Variants in CNTNAP2 observed in about 807,000 individuals in gnomAD.
The protein encoded by CNTNAP2 is contactin associated protein 2, also known as contactin-associated protein-like 2.
CNTNAP2 carries 98 observed loss-of-function variants against 155.2 expected under a neutral mutation model. The ratio of observed to expected loss-of-function variants is 0.63; its 90% confidence interval spans 0.54 to 0.75. The LOEUF (loss-of-function observed/expected upper bound fraction) is 0.75. CNTNAP2 is among the 30% of genes least tolerant of loss of function. The probability of loss-of-function intolerance (pLI) is 0.00; values close to 1 mark genes in which losing one functional copy is unlikely to be tolerated. For synonymous variants in CNTNAP2, 651 were observed against 631.2 expected (o/e 1.03, Z -0.47); for missense variants, 1,727 against 1,688.1 (o/e 1.02, Z -0.40).
chr7:147,862,171 C>G (rs1272147240), intron 13 of CNTNAP2, among the ~76,000 whole-genome samples: 1 of 152,006 alleles, frequency 6.6e-6, no homozygotes, highest in Non-Finnish European at 1.5e-5. Context: ...TGTCCATCAT[C>G]AAAAAAGATA....
At chr7:148,308,551 GTATT>G (rs72136288) in intron 21 of CNTNAP2, among the ~76,000 whole-genome samples, 37,593 of 148,084 alleles carry the variant, frequency 0.25, 4,985 homozygotes, top group South Asian at 0.37. Flanking sequence ...ACCTATTTAT[GTATT>G]TATTTATTTA....
chr7:148,331,724 T>TGGATGGATAGAG (rs1563045945), intron 21 of CNTNAP2, among the ~76,000 whole-genome samples: 8 of 29,676 alleles, frequency 2.7e-4, no homozygotes, highest in Non-Finnish European at 4.2e-4. Context: ...GACGGATGGA[T>TGGATGGATAGAG]TGGATGGATG....
intron 1 of CNTNAP2, among the ~76,000 whole-genome samples, chr7:146,590,518 T>C (rs928704252): frequency 2.6e-5 from 4 of 151,436 alleles, no homozygotes; most frequent in Admixed American, 1.3e-4. Context: ...CAACTCTTAA[T>C]GACAGTACAG....
chr7:147,740,770 G>A (rs969721519), intron 13 of CNTNAP2, among the ~76,000 whole-genome samples: 3 of 152,198 alleles, frequency 2.0e-5, no homozygotes, highest in Non-Finnish European at 2.9e-5. Flanking sequence ...CAGATCTAGA[G>A]ATGAGGATTT....
intron 1 of CNTNAP2, among the ~76,000 whole-genome samples, chr7:146,356,580 T>G (rs1795001651): frequency 6.6e-6 from 1 of 152,190 alleles, no homozygotes; most frequent in African/African-American, 2.4e-5. Context: ...AGTAAATTCT[T>G]TCACCTCAAT....
intron 1 of CNTNAP2, among the ~76,000 whole-genome samples, chr7:146,304,575 T>C (rs1479500694): frequency 1.3e-5 from 2 of 152,122 alleles, no homozygotes; most frequent in African/African-American, 4.8e-5. Flanking sequence ...AACTCTTTTC[T>C]TTAAGAATGT....
At chr7:146,631,310 C>A (rs1240291148) in intron 1 of CNTNAP2, among the ~76,000 whole-genome samples, 1 of 152,060 alleles carries the variant, frequency 6.6e-6, no homozygotes, top group Non-Finnish European at 1.5e-5. Flanking sequence ...TGAAATCGAC[C>A]ACATTGAAAT....
At chr7:148,384,032 G>C in intron 22 of CNTNAP2, 144 bp downstream of exon 22, 7 of 1,141,696 alleles carry the variant, frequency 6.1e-6, no homozygotes, top group Non-Finnish European at 8.8e-6. Flanking sequence ...TGTGAGTACG[G>C]AGTTCTCAGG....
At chr7:148,273,243 T>A (rs145984491) in intron 21 of CNTNAP2, among the ~76,000 whole-genome samples, 1,740 of 152,268 alleles carry the variant, frequency 0.011, 37 homozygotes, top group African/African-American at 0.04. Flanking sequence ...AGATTTGTGG[T>A]GGGAGTAATT....
At chr7:147,528,453 T>C (rs1472638230) in intron 11 of CNTNAP2, among the ~76,000 whole-genome samples, 1 of 152,210 alleles carries the variant, frequency 6.6e-6, no homozygotes, top group Non-Finnish European at 1.5e-5. Flanking sequence ...TTACTCATTC[T>C]GTCTCTCACT....
At chr7:146,885,928 GGTGTGTGTGTGTGTGTGTGTGT>G (rs36231370) in intron 3 of CNTNAP2, among the ~76,000 whole-genome samples, 5 of 141,850 alleles carry the variant, frequency 3.5e-5, no homozygotes, top group African/African-American at 1.0e-4. Context: ...TATGTAAGTC[GGTGTGTGTGTGTGTGTGTGTGT>G]GTGTGTGTGT....
chr7:146,773,395 T>G (rs975010425), intron 1 of CNTNAP2, among the ~76,000 whole-genome samples: 4 of 152,160 alleles, frequency 2.6e-5, no homozygotes, highest in African/African-American at 9.6e-5. Context: ...TGTCTAGTTC[T>G]TTCTTTCTTT....
intron 10 of CNTNAP2, among the ~76,000 whole-genome samples, chr7:147,460,101 C>T: frequency 6.6e-6 from 1 of 151,706 alleles, no homozygotes; most frequent in East Asian, 1.9e-4. Context: ...TGTAACAAAC[C>T]TGCACTTTCT....
intron 1 of CNTNAP2, among the ~76,000 whole-genome samples, chr7:146,623,738 T>G (rs1476185484): frequency 6.6e-6 from 1 of 152,206 alleles, no homozygotes; most frequent in African/African-American, 2.4e-5. Flanking sequence ...TACATAAGTT[T>G]TCAATTCAGT....
intron 3 of CNTNAP2, among the ~76,000 whole-genome samples, chr7:147,018,132 C>A (rs1381033900): frequency 6.6e-6 from 1 of 152,058 alleles, no homozygotes; most frequent in Admixed American, 6.6e-5. Context: ...TATGATAAGG[C>A]ACTTAGTAAT....
chr7:146,148,498 T>C (rs1797987559), intron 1 of CNTNAP2, among the ~76,000 whole-genome samples: 1 of 152,166 alleles, frequency 6.6e-6, no homozygotes, highest in Non-Finnish European at 1.5e-5. Context: ...TACATAGTAA[T>C]GAAAGAGTAA....
chr7:147,759,761 T>C (rs1490225992), intron 13 of CNTNAP2, among the ~76,000 whole-genome samples: 1 of 152,180 alleles, frequency 6.6e-6, no homozygotes. Context: ...AGGAAGCCAT[T>C]GTGGTTACGA....
intron 11 of CNTNAP2, among the ~76,000 whole-genome samples, chr7:147,554,923 A>G (rs985021496): frequency 6.6e-6 from 1 of 152,176 alleles, no homozygotes; most frequent in Non-Finnish European, 1.5e-5. Flanking sequence ...GGTATTGTGA[A>G]GCTTATATTG....
chr7:147,611,257 C>G (rs1188349092), intron 12 of CNTNAP2, among the ~76,000 whole-genome samples: 1 of 152,118 alleles, frequency 6.6e-6, no homozygotes, highest in Admixed American at 6.5e-5. Flanking sequence ...ATTACTGTTA[C>G]AAGCAACAAG....
Sources: allele counts gnomAD v4.1 joint callset (sites outside exome capture counted in the v4.1 genomes callset), GRCh38; gene constraint gnomAD v4.1.1; transcripts MANE v1.5; gene names NCBI Gene and HGNC (gene_info 2026-07-23, HGNC 2026-07-21).